DYNC1I1: variants seen among roughly 807,000 people sequenced by gnomAD.
DYNC1I1 encodes cytoplasmic dynein 1 intermediate chain 1.
Under a neutral mutation model 86.6 loss-of-function variants are expected in DYNC1I1, and 43 were observed. The ratio of observed to expected loss-of-function variants is 0.50; its 90% CI spans 0.39 to 0.64. DYNC1I1 has a LOEUF of 0.64. DYNC1I1 is among the 30% of genes least tolerant of loss of function. The pLI is 0.00. For missense variants in DYNC1I1, 604 were observed against 788.8 expected (o/e 0.77, Z 2.81); for synonymous variants, 262 against 283.7 (o/e 0.92, Z 0.77).
Position 95,921,420 on chromosome 7 carries a change from A to G in DYNC1I1, c.490+51422A>G, listed in dbSNP as rs144244160. ...GCCCTTGTGTGAGGCCCAAGCCCCA[A>G]TTTCAATCCATTATTACCTTTGTAT... is the stretch of plus-strand genomic sequence containing the variant. On this transcript the variant is annotated intron_variant, in intron 6 of 16. Transcript: ENST00000447467. Among the ~76,000 whole-genome samples, 468 of 152,314 alleles carry G rather than the reference A, an allele frequency of 3.1e-3. 3 individuals carry two copies. The highest frequency in any genetic ancestry group is 0.011 in the African/African-American group (446 of 41,572).
chr7:96,110,071 A>G, exon 17 of DYNC1I1: 1 of 442,628 alleles, frequency 2.3e-6, no homozygotes, highest in South Asian at 1.6e-5. Context: ...TACAGACATG[A>G]GCCACTGTGC....
intron 6 of DYNC1I1, among the ~76,000 whole-genome samples, chr7:95,888,931 A>T (rs983164333): frequency 6.6e-5 from 10 of 152,194 alleles, no homozygotes; most frequent in African/African-American, 2.4e-4. Flanking sequence ...AAGTAACGTG[A>T]CACAAGGAAT....
intron 10 of DYNC1I1, among the ~76,000 whole-genome samples, chr7:95,998,496 T>C (rs1365906189): frequency 6.6e-6 from 1 of 152,248 alleles, no homozygotes; most frequent in Non-Finnish European, 1.5e-5. Flanking sequence ...CTCACTGACC[T>C]ATAACTTTTC....
At chr7:95,785,817 ATT>A (rs1491484262) in intron 1 of DYNC1I1, among the ~76,000 whole-genome samples, 4 of 117,970 alleles carry the variant, frequency 3.4e-5, no homozygotes, top group Non-Finnish European at 3.6e-5. Context: ...ATATATATAT[ATT>A]ATATATAACA....
chr7:95,817,960 T>C (rs946874295), intron 4 of DYNC1I1, among the ~76,000 whole-genome samples: 3 of 152,204 alleles, frequency 2.0e-5, no homozygotes, highest in African/African-American at 7.2e-5. Flanking sequence ...GGAAAGTGTA[T>C]TGACTTCATA....
intron 6 of DYNC1I1, among the ~76,000 whole-genome samples, chr7:95,878,178 A>T (rs1790358284): frequency 6.6e-6 from 1 of 152,160 alleles, no homozygotes; most frequent in African/African-American, 2.4e-5. Context: ...AAGAAACCAG[A>T]AAGTCTGACC....
intron 14 of DYNC1I1, among the ~76,000 whole-genome samples, chr7:96,052,776 C>T (rs1789442251): frequency 6.6e-6 from 1 of 151,966 alleles, no homozygotes; most frequent in Admixed American, 6.6e-5. Flanking sequence ...TGACAAAAGG[C>T]AAAAAGGCAG....
intron 5 of DYNC1I1, among the ~76,000 whole-genome samples, chr7:95,838,128 A>C (rs1173191427): frequency 6.6e-6 from 1 of 151,930 alleles, no homozygotes; most frequent in Non-Finnish European, 1.5e-5. Flanking sequence ...CGAAAATCTC[A>C]TTTCTTACAT....
chr7:96,016,805 G>C (rs1425432118), intron 10 of DYNC1I1, among the ~76,000 whole-genome samples: 1 of 152,046 alleles, frequency 6.6e-6, no homozygotes, highest in Non-Finnish European at 1.5e-5. Context: ...TTCCCCCTTT[G>C]CAAGGAGTTA....
rs753394829 is a variant in DYNC1I1 at position 96,080,495 on chromosome 7, G to T, written c.1776+7G>T. On this transcript the variant is annotated splice_region_variant and intron_variant, in intron 16 of 16. Transcript: ENST00000447467. ...GGTCTATGACGTTGGAGAGGTACGTGTGTATTTGTGTTGTTGTTACTGTTT... is the reference window on the plus strand; with the variant it reads ...GGTCTATGACGTTGGAGAGGTACGTTTGTATTTGTGTTGTTGTTACTGTTT... 21 of 1,614,130 alleles carry T rather than the reference G, an allele frequency of 1.3e-5. No homozygotes were observed. The South Asian group carries it at 2.2e-4, about 17-fold the overall frequency.
At chr7:95,867,878 A>G (rs1790055368) in intron 5 of DYNC1I1, among the ~76,000 whole-genome samples, 1 of 152,234 alleles carries the variant, frequency 6.6e-6, no homozygotes, top group Non-Finnish European at 1.5e-5. Context: ...CAGTCCTGCA[A>G]TGTCTTTTCA....
intron 6 of DYNC1I1, among the ~76,000 whole-genome samples, chr7:95,874,285 T>C (rs1270481712): frequency 6.6e-6 from 1 of 152,226 alleles, no homozygotes; most frequent in Non-Finnish European, 1.5e-5. Flanking sequence ...CTATGGCAGA[T>C]AACCAACATC....
chr7:95,912,801 G>A (rs1791373162), intron 6 of DYNC1I1, among the ~76,000 whole-genome samples: 1 of 152,138 alleles, frequency 6.6e-6, no homozygotes. Context: ...CTCTGCCTTT[G>A]TCTGAATCAG....
At chr7:95,952,654 G>A (rs1169698548) in intron 6 of DYNC1I1, among the ~76,000 whole-genome samples, 2 of 152,094 alleles carry the variant, frequency 1.3e-5, no homozygotes, top group East Asian at 3.9e-4. Flanking sequence ...CTATTTTGAA[G>A]TGAGCGCTAT....
At chr7:95,904,627 GTATA>G (rs3047717) in intron 6 of DYNC1I1, among the ~76,000 whole-genome samples, 84,224 of 150,498 alleles carry the variant, frequency 0.56, 24,645 homozygotes, top group African/African-American at 0.72. Flanking sequence ...ATGTGTGTAT[GTATA>G]TATATATATA....
intron 5 of DYNC1I1, among the ~76,000 whole-genome samples, chr7:95,849,241 G>A (rs1226413617): frequency 6.6e-6 from 1 of 152,010 alleles, no homozygotes; most frequent in Non-Finnish European, 1.5e-5. Context: ...AACTCCATTT[G>A]TCTGTTTTTG....
At chr7:95,784,232 C>T (rs186038279) in intron 1 of DYNC1I1, among the ~76,000 whole-genome samples, 3 of 152,274 alleles carry the variant, frequency 2.0e-5, no homozygotes, top group African/African-American at 7.2e-5. Context: ...ATCGGGGGTA[C>T]ATTTCCTAAC....
chr7:95,810,473 C>T lies in DYNC1I1; in HGVS notation c.190C>T (p.Gln64Ter). The change falls in exon 3 of 17, where the codon CAA becomes TAA. Residue 64 changes from glutamine (Q) to a stop codon, truncating the protein, a stop_gained. Coordinates refer to ENST00000447467, the MANE Select transcript of DYNC1I1 (RefSeq NM_001135556.2). LOFTEE classifies it high-confidence loss of function. The stretch of plus-strand genomic sequence containing the variant: ...ACGACGAGAGACAGAGGCTTTGCTG[C>T]AAAGCATTGGTATCTCACCGGAGCC... ...RKRRETEALL[Q>*]SIGISPEPPL... 1 of 1,612,896 alleles carries T rather than the reference C, an allele frequency of 6.2e-7. No homozygotes were observed. Among genetic ancestry groups the T allele is most frequent in the South Asian group, 1.1e-5 (1 of 90,960 alleles).
chr7:96,059,284 T>C (rs1789688590), intron 14 of DYNC1I1, among the ~76,000 whole-genome samples: 1 of 151,736 alleles, frequency 6.6e-6, no homozygotes, highest in African/African-American at 2.4e-5. Context: ...TTCAGCACTA[T>C]GCTTGGGGCC....
Sources: allele counts gnomAD v4.1 joint callset (sites outside exome capture counted in the v4.1 genomes callset), GRCh38; gene constraint gnomAD v4.1.1; transcripts MANE v1.5; gene names NCBI Gene and HGNC (gene_info 2026-07-23, HGNC 2026-07-21).